WDR49: variants seen among roughly 807,000 people sequenced by gnomAD.
The protein encoded by WDR49 is cilia- and flagella-associated protein 337.
Under a neutral mutation model 119.5 loss-of-function variants are expected in WDR49, and 107 were observed. That is an observed-to-expected ratio of 0.90 (90% CI 0.77 to 1.05). The LOEUF is 1.05. Ranked by LOEUF, WDR49 falls within the 50% of genes least tolerant of loss-of-function variation. WDR49 has a pLI of 0.00. For synonymous variants in WDR49, 425 were observed against 418.8 expected (o/e 1.01, Z -0.18); for missense variants, 1,240 against 1,220.5 (o/e 1.02, Z -0.24).
At chr3:167,608,562 T>G (rs1716174880) in intron 5 of WDR49, among the ~76,000 whole-genome samples, 1 of 152,210 alleles carries the variant, frequency 6.6e-6, no homozygotes, top group Non-Finnish European at 1.5e-5. Flanking sequence ...ATAACTTGTT[T>G]CTGATTAAAC....
In WDR49 at chr3:167,633,076, T is replaced by C. The variant is rs1440804155; in HGVS notation, c.166-5784A>G. Among the ~76,000 whole-genome samples, 3 of 149,034 alleles carry C rather than the reference T, an allele frequency of 2.0e-5. No individual in the cohort carries two copies. The East Asian group carries it at 5.9e-4, about 29-fold the overall frequency. On this transcript the variant is annotated intron_variant, in intron 2 of 18. Transcript: ENST00000682715. Reference sequence around the variant, plus strand: ...GTCAGCAATGACGGTTTTCTGAGAATTTAGCCAAACTCGTGTGTGTGTGTG... The same window carrying C: ...GTCAGCAATGACGGTTTTCTGAGAACTTAGCCAAACTCGTGTGTGTGTGTG...
chr3:167,646,661 T>C (rs1021938369), intron 2 of WDR49, among the ~76,000 whole-genome samples: 1 of 152,180 alleles, frequency 6.6e-6, no homozygotes, highest in Non-Finnish European at 1.5e-5. Context: ...TAACCAAATG[T>C]AGCACATATT....
chr3:167,595,310 T>A (rs1355552649), intron 7 of WDR49, among the ~76,000 whole-genome samples: 1 of 152,148 alleles, frequency 6.6e-6, no homozygotes, highest in Non-Finnish European at 1.5e-5. Flanking sequence ...AATTTACAGA[T>A]TCAATGCCAT....
chr3:167,643,443 G>A (rs2108342277), intron 2 of WDR49, among the ~76,000 whole-genome samples: 1 of 152,162 alleles, frequency 6.6e-6, no homozygotes, highest in East Asian at 1.9e-4. Context: ...AAGAAAAAGT[G>A]GGGGACTCCT....
At chr3:167,520,373 G>T (rs1219180681) in intron 16 of WDR49, among the ~76,000 whole-genome samples, 1 of 151,828 alleles carries the variant, frequency 6.6e-6, no homozygotes, top group East Asian at 1.9e-4. Context: ...GTGATGGAAA[G>T]AAAAAAAATG....
chr3:167,648,041 T>G (rs967961691), intron 2 of WDR49, among the ~76,000 whole-genome samples: 1 of 151,644 alleles, frequency 6.6e-6, no homozygotes, highest in Non-Finnish European at 1.5e-5. Context: ...AGGAAGGTTA[T>G]CTTGTGGCCA....
At position 167,568,538 on chromosome 3, in the gene WDR49, T is replaced by C. The variant is rs1713745450; in HGVS notation, c.1509+7380A>G. 2.0e-5 allele frequency among the ~76,000 whole-genome samples: 3 copies of C among 152,306 alleles called. No individual in the cohort carries two copies. In the South Asian group the frequency reaches 6.2e-4, roughly 32 times the overall value. ...CAGTGGTTTCATTAATTTCTTTTTC[T>C]TTTTTTATGGTGGTCCTAATGCTGG... is the stretch of plus-strand genomic sequence containing the variant. On this transcript the variant is annotated intron_variant, in intron 8 of 18. Coordinates refer to ENST00000682715, the MANE Select transcript of WDR49 (RefSeq NM_001366157.1).
intron 7 of WDR49, among the ~76,000 whole-genome samples, chr3:167,588,056 A>AT (rs1428961353): frequency 2.0e-5 from 3 of 151,912 alleles, no homozygotes; most frequent in Non-Finnish European, 2.9e-5. Context: ...AATTCTTTCT[A>AT]TTTTTTATAC....
At chr3:167,599,540 G>A (rs1456610204) in intron 7 of WDR49, among the ~76,000 whole-genome samples, 2 of 152,182 alleles carry the variant, frequency 1.3e-5, no homozygotes, top group African/African-American at 2.4e-5. Context: ...CCAACACCTA[G>A]AATCATGGAC....
rs1203830090 is a variant in WDR49, at chr3:167,652,351, T to C, written c.165+910A>G. ...GCTAATATATTGTGAGCTTTTATTA[T>C]ATTTTATTAATTTCCAGGTGGTATT... On this transcript the variant is annotated intron_variant, in intron 2 of 18. Coordinates refer to ENST00000682715, the MANE Select transcript of WDR49 (RefSeq NM_001366157.1). Among the ~76,000 whole-genome samples, 3 of 152,342 alleles carry C rather than the reference T, an allele frequency of 2.0e-5. No individual in the cohort carries two copies. In the East Asian group the frequency reaches 5.8e-4, roughly 29 times the overall value.
At chr3:167,515,805 T>A (rs1254247812) in intron 16 of WDR49, among the ~76,000 whole-genome samples, 2 of 152,142 alleles carry the variant, frequency 1.3e-5, no homozygotes, top group Non-Finnish European at 2.9e-5. Context: ...ACAAAAACAA[T>A]GTGCAAAAAT....
chr3:167,487,652 G>C (rs774140129), intron 18 of WDR49, among the ~76,000 whole-genome samples: 7 of 151,948 alleles, frequency 4.6e-5, no homozygotes, highest in Non-Finnish European at 1.0e-4. Flanking sequence ...TTGACATCCA[G>C]CATCTATTAA....
intron 5 of WDR49, among the ~76,000 whole-genome samples, chr3:167,619,576 A>G (rs1361354139): frequency 1.3e-5 from 2 of 152,156 alleles, no homozygotes; most frequent in African/African-American, 4.8e-5. Flanking sequence ...AGAGGGTAAA[A>G]TTACCAAAAA....
At chr3:167,570,683 AGT>A (rs1433160169) in intron 8 of WDR49, among the ~76,000 whole-genome samples, 2 of 152,182 alleles carry the variant, frequency 1.3e-5, no homozygotes, top group Admixed American at 1.3e-4. Context: ...AAAGTTTTTT[AGT>A]GTTTACCTTT....
intron 7 of WDR49, among the ~76,000 whole-genome samples, chr3:167,595,455 C>T (rs1487882027): frequency 1.3e-5 from 2 of 152,206 alleles, no homozygotes; most frequent in African/African-American, 4.8e-5. Context: ...ATCACACTAC[C>T]TGACTTCAAA....
rs778966147 is a variant in WDR49 at position 167,478,887 on chromosome 3, A to G, written c.3141T>C (p.Asn1047=). 1 of 1,602,226 alleles carries G rather than the reference A, an allele frequency of 6.2e-7. No individual in the cohort carries two copies. Among genetic ancestry groups the G allele is most frequent in the Non-Finnish European group, 8.5e-7 (1 of 1,175,898 alleles). ...CQEKSCEVKK[N]KK The stretch of plus-strand genomic sequence containing the variant: ...GGTTTTTCTGTTGTAATTACTTCTT[A>G]TTTTTCTTCACTTCACAACTTTTTT... The change falls in exon 19 of 19, where the codon AAT becomes AAC. Residue 1047 remains asparagine, a synonymous_variant. Transcript: ENST00000682715.
At chr3:167,537,602 C>T in intron 10 of WDR49, among the ~76,000 whole-genome samples, 1 of 152,168 alleles carries the variant, frequency 6.6e-6, no homozygotes, top group South Asian at 2.1e-4. Flanking sequence ...ACAGAAAGAA[C>T]AGTATTAGAG....
chr3:167,606,049 A>C (rs1366789385), intron 5 of WDR49, among the ~76,000 whole-genome samples: 1 of 152,168 alleles, frequency 6.6e-6, no homozygotes, highest in Non-Finnish European at 1.5e-5. Context: ...GAAAATGCAG[A>C]TTCTCATTCA....
chr3:167,493,773 TC>T (rs1751241303), intron 18 of WDR49, among the ~76,000 whole-genome samples: 1 of 152,208 alleles, frequency 6.6e-6, no homozygotes, highest in South Asian at 2.1e-4. Context: ...TTATTCTTTT[TC>T]CTTTCTATGA....
Sources: allele counts gnomAD v4.1 joint callset (sites outside exome capture counted in the v4.1 genomes callset), GRCh38; gene constraint gnomAD v4.1.1; transcripts MANE v1.5; gene names NCBI Gene and HGNC (gene_info 2026-07-23, HGNC 2026-07-21).